The following KMT2C variants were observed in gnomAD, a reference collection of about 807,000 sequenced individuals.
The protein encoded by KMT2C is lysine methyltransferase 2C.
A neutral mutation model predicts 507.9 loss-of-function variants in KMT2C; 88 were observed. The observed-to-expected ratio is 0.17, with a 90% CI of 0.15 to 0.21. KMT2C has a LOEUF of 0.21. KMT2C is among the 10% of genes least tolerant of loss of function. The probability of loss-of-function intolerance (pLI) is 1.00; values close to 1 mark genes in which losing one functional copy is unlikely to be tolerated. For missense variants in KMT2C, 4,954 were observed against 5,957.8 expected, an observed-to-expected ratio of 0.83 and a Z score of 5.55; for synonymous variants, 2,049 against 2,080.8, an observed-to-expected ratio of 0.98 and a Z score of 0.42.
rs1246574406 is a variant in KMT2C, at chr7:152,253,513, A to AC, written c.1300-799dup. 4.0e-5 allele frequency among the ~76,000 whole-genome samples: 5 copies of AC among 124,366 alleles called. No individual in the cohort carries two copies. The East Asian group carries it at 7.0e-4, about 17-fold the overall frequency. 81.6% of individuals were successfully genotyped at this position (124,366 alleles called of 152,430 possible). A position where few individuals can be genotyped will look rare whatever the true frequency, so the allele number is the denominator to read the frequency against. The stretch of plus-strand genomic sequence containing the variant: ...AAGAAGGCAAAACACCTCTTTCTCT[A>AC]CAAAAAAAAAAAAAAAAAAAAAAAA... On this transcript the variant is annotated intron_variant, in intron 9 of 58. Transcript: ENST00000262189.
At chr7:152,183,899 AAAAAAG>A (rs1173318598) in intron 34 of KMT2C, among the ~76,000 whole-genome samples, 2 of 150,654 alleles carry the variant, frequency 1.3e-5, no homozygotes, top group Non-Finnish European at 3.0e-5. Flanking sequence ...TCTGTCTCAA[AAAAAAG>A]AAAAAGAAAA....
chr7:152,379,962 G>T (rs1030138095), intron 1 of KMT2C, among the ~76,000 whole-genome samples: 4 of 151,206 alleles, frequency 2.6e-5, no homozygotes, highest in Non-Finnish European at 3.0e-5. Flanking sequence ...GCTGGGCATG[G>T]TGGCTCACAC....
chr7:152,373,024 T>C (rs1373189223), intron 1 of KMT2C, among the ~76,000 whole-genome samples: 3 of 152,088 alleles, frequency 2.0e-5, no homozygotes, highest in Admixed American at 6.5e-5. Context: ...CTAACAACAA[T>C]TGTATGAAAC....
In KMT2C at chr7:152,177,075, T is replaced by G; in HGVS notation, c.8378A>C (p.Glu2793Ala). The change falls in exon 38 of 59, where the codon GAA becomes GCA. Residue 2793 changes from glutamate to alanine, a missense_variant. Coordinates refer to ENST00000262189, the MANE Select transcript of KMT2C (RefSeq NM_170606.3). ...DKLDNQCVSV[E>A]PKKKEQENKT... ...GTTTTCTTGTTCCTTTTTTTTTGGT[T>G]CAACAGATACACACTGATTATCTAA... 1 of 1,612,152 alleles carries G rather than the reference T, an allele frequency of 6.2e-7. No homozygotes were observed. The highest frequency in any genetic ancestry group is 1.3e-5 in the African/African-American group (1 of 74,870).
chr7:152,214,179 A>AAG (rs2094518682), intron 23 of KMT2C, among the ~76,000 whole-genome samples: 1 of 152,008 alleles, frequency 6.6e-6, no homozygotes, highest in African/African-American at 2.4e-5. Context: ...AAAAAAAAAA[A>AAG]ACTACCACCA....
chr7:152,431,211 G>C, intron 1 of KMT2C, among the ~76,000 whole-genome samples: 1 of 151,640 alleles, frequency 6.6e-6, no homozygotes, highest in East Asian at 1.9e-4. Flanking sequence ...AAATTGGTAA[G>C]TTTACATATT....
Position 152,391,142 on chromosome 7 carries a change from C to CAAAAAAAAAAA in KMT2C, c.162-32478_162-32468dup, listed in dbSNP as rs1195125465. 2.5e-3 allele frequency among the ~76,000 whole-genome samples: 87 copies of CAAAAAAAAAAA among 34,764 alleles called. 14 individuals are homozygous for CAAAAAAAAAAA. The highest frequency in any genetic ancestry group is 0.02 in the East Asian group (13 of 644). The allele number at this position is 34,764 out of a possible 152,430, so 22.8% of individuals were successfully genotyped here. A position where few individuals can be genotyped will look rare whatever the true frequency, so the allele number is the denominator to read the frequency against. On this transcript the variant is annotated intron_variant, in intron 1 of 58. Coordinates refer to ENST00000262189, the MANE Select transcript of KMT2C (RefSeq NM_170606.3). ...CTGGGCGACAGAGTGAGACTGTCTC[C>CAAAAAAAAAAA]AAAAAAAAAAAAAAAAAAAAAAAAA...
At chr7:152,317,892 G>C (rs1055309226) in intron 3 of KMT2C, among the ~76,000 whole-genome samples, 4 of 152,164 alleles carry the variant, frequency 2.6e-5, no homozygotes, top group African/African-American at 9.7e-5. Flanking sequence ...TGTAATCCCA[G>C]CACTTTGGGA....
intron 1 of KMT2C, among the ~76,000 whole-genome samples, chr7:152,376,793 AG>A (rs1461660422): frequency 6.6e-6 from 1 of 152,296 alleles, no homozygotes; most frequent in Non-Finnish European, 1.5e-5. Flanking sequence ...TCATTGCTGG[AG>A]GTGGCTATAC....
In KMT2C at chr7:152,428,987, G is replaced by A. The variant is rs566823057; in HGVS notation, c.161+6639C>T. 2.6e-5 allele frequency among the ~76,000 whole-genome samples: 4 copies of A among 152,258 alleles called. No individual in the cohort carries two copies. The South Asian group carries it at 8.3e-4, about 32-fold the overall frequency. ...GGCCTCACCACTACACACAGCCTCT[G>A]TTCTAGTCACACAGTCAGAAGCCAC... On this transcript the variant is annotated intron_variant, in intron 1 of 58. Coordinates refer to ENST00000262189, the MANE Select transcript of KMT2C (RefSeq NM_170606.3).
intron 55 of KMT2C, among the ~76,000 whole-genome samples, chr7:152,143,250 CATAAT>C (rs1243159490): frequency 1.3e-5 from 2 of 152,316 alleles, no homozygotes; most frequent in African/African-American, 4.8e-5. Flanking sequence ...ATACTCCACT[CATAAT>C]GTAAAAACAA....
chr7:152,364,091 T>A (rs560093179), intron 1 of KMT2C, among the ~76,000 whole-genome samples: 2 of 152,164 alleles, frequency 1.3e-5, no homozygotes, highest in African/African-American at 4.8e-5. Flanking sequence ...AGCTGACAAA[T>A]AAGTCTCAAC....
chr7:152,181,456 G>C lies in KMT2C; in HGVS notation c.6404C>G (p.Pro2135Arg). Reference sequence around the variant, plus strand: ...ATCTACAACAGGTCGTGGAGTTCCTGGGGGTTGGGAGTATGGGTCCTGAGA... The same window carrying C: ...ATCTACAACAGGTCGTGGAGTTCCTCGGGGTTGGGAGTATGGGTCCTGAGA... ...PTSQDPYSQP[P>R]GTPRPVVDSY... Residue 2135 changes from proline to arginine, a missense_variant, in exon 36 of 59, where the codon CCA becomes CGA. Pro to Arg is a moderately radical substitution (Grantham distance 103). Around this residue, in one of 29 missense-constraint regions of KMT2C, gnomAD observed 1,689 missense variants for 1,654.3 expected, o/e 1.02. Coordinates refer to ENST00000262189, the MANE Select transcript of KMT2C (RefSeq NM_170606.3). 6.2e-7 allele frequency: 1 copy of C among 1,614,082 alleles called. No individual in the cohort carries two copies. Among genetic ancestry groups the C allele is most frequent in the Non-Finnish European group, 8.5e-7 (1 of 1,180,022 alleles).
At chr7:152,228,504 T>TG (rs965834220) in intron 18 of KMT2C, among the ~76,000 whole-genome samples, 44 of 152,224 alleles carry the variant, frequency 2.9e-4, no homozygotes, top group Non-Finnish European at 4.6e-4. Flanking sequence ...AGTGTCATCG[T>TG]GCAAAAGGAA....
intron 1 of KMT2C, among the ~76,000 whole-genome samples, chr7:152,372,667 A>C (rs552859225): frequency 6.6e-6 from 1 of 152,350 alleles, no homozygotes; most frequent in South Asian, 2.1e-4. Context: ...AGGAGAATGT[A>C]ACATTTATAA....
At chr7:152,250,705 C>T (rs1273552392) in intron 12 of KMT2C, 148 bp downstream of exon 12, 2 of 544,608 alleles carry the variant, frequency 3.7e-6, no homozygotes, top group Non-Finnish European at 6.5e-6. Flanking sequence ...GTCCTTTCTC[C>T]TATTAATTTG....
chr7:152,332,723 C>T (rs898678315), intron 2 of KMT2C, among the ~76,000 whole-genome samples: 4 of 152,102 alleles, frequency 2.6e-5, no homozygotes, highest in African/African-American at 7.2e-5. Context: ...TGGCACATGC[C>T]TGTAATCCCA....
Position 152,426,442 on chromosome 7 carries a change from GC to G in KMT2C, c.161+9183del, listed in dbSNP as rs375826929. On this transcript the variant is annotated intron_variant, in intron 1 of 58. Transcript: ENST00000262189. Reference sequence around the variant, plus strand: ...GTAGAGATGGGGATCTCACTATGTTGCCCAGGCTGGTCTCTAACGCCTAGAC... The same window carrying G: ...GTAGAGATGGGGATCTCACTATGTTGCCAGGCTGGTCTCTAACGCCTAGAC... Among the ~76,000 whole-genome samples the G allele has an allele frequency of 3.0e-3, 452 of 151,954 alleles. 6 individuals carry two copies. Among genetic ancestry groups the G allele is most frequent in the African/African-American group, 0.011 (436 of 41,442 alleles).
At chr7:152,246,661 A>G (rs1192820842) in intron 14 of KMT2C, among the ~76,000 whole-genome samples, 1 of 152,180 alleles carries the variant, frequency 6.6e-6, no homozygotes, top group Non-Finnish European at 1.5e-5. Context: ...TCAGAACAAC[A>G]TAATTATTAT....
Sources: gnomAD v4.1 joint callset for allele counts (sites outside exome capture counted in the v4.1 genomes callset) on GRCh38, gnomAD v4.1.1 for gene constraint, gnomAD v4.1.1 regional missense constraint, MANE v1.5 for transcripts, NCBI Gene and HGNC (gene_info 2026-07-23, HGNC 2026-07-21) for gene names.